Variants in GPANK1 observed in about 807,000 individuals in gnomAD.
GPANK1 encodes G patch domain and ankyrin repeat-containing protein 1.
A neutral mutation model predicts 24.0 loss-of-function variants in GPANK1; 22 were observed. That is an observed-to-expected ratio of 0.92 (90% CI 0.66 to 1.31). The LOEUF (loss-of-function observed/expected upper bound fraction) is 1.31, where lower values mean the gene tolerates loss of function less well. Ranked by LOEUF, GPANK1 falls within the 50% of genes most tolerant of loss-of-function variation. The pLI is 0.00. For synonymous variants in GPANK1, 174 were observed against 177.4 expected, an observed-to-expected ratio of 0.98 and a Z score of 0.15; for missense variants, 469 against 453.5, an observed-to-expected ratio of 1.03 and a Z score of -0.31.
rs765211928 is a variant in GPANK1 at position 31,662,592 on chromosome 6, G to A, written c.745C>T (p.Leu249Phe). 8 of 1,612,806 alleles carry A rather than the reference G, an allele frequency of 5.0e-6. No homozygotes were observed. In the African/African-American group the frequency reaches 9.3e-5, roughly 19 times the overall value. The change falls in exon 3 of 3, where the codon CTT becomes TTT. Residue 249 changes from leucine (L) to phenylalanine (F), a missense_variant. Transcript: ENST00000375896. The surrounding 1 kb of genome is among the most constrained non-coding windows in gnomAD (Gnocchi z 5.5). ...SLSQGPQPPN[L>F]PLGVPISSPG... ...CTGGAGATGGGCACCCCAAGTGGAA[G>A]GTTGGGAGGCTGAGGACCCTGCGAC...
Position 31,662,314 on chromosome 6 carries a change from G to T in GPANK1, c.1023C>A (p.Asp341Glu). Residue 341 changes from aspartate (D) to glutamate (E), a missense_variant, in exon 3 of 3, where the codon GAC (aspartate) becomes GAA (glutamate). Physicochemically the swap from Asp to Glu is conservative, Grantham distance 45. Transcript: ENST00000375896. This position sits in a 1 kb window ranked among gnomAD's most constrained non-coding sequence, Gnocchi z 5.5. ...TCCTTAGATCCCGCTCCCAAGCCCT[G>T]TCTTTCTCCTCCCTCCTTCTCTCCT... ...WREERRREEK[D>E]RAWERDLRTY... 10 of 1,589,662 alleles carry T rather than the reference G, an allele frequency of 6.3e-6. No individual in the cohort carries two copies. Among genetic ancestry groups the T allele is most frequent in the Non-Finnish European group, 8.6e-6 (10 of 1,165,870 alleles).
Position 31,662,326 on chromosome 6 carries a change from C to T in GPANK1, c.1011G>A (p.Arg337=). 1 of 1,597,250 alleles carries T rather than the reference C, an allele frequency of 6.3e-7. No individual in the cohort carries two copies. The highest frequency in any genetic ancestry group is 8.5e-7 in the Non-Finnish European group (1 of 1,170,386). ...GCTCCCAAGCCCTGTCTTTCTCCTCCCTCCTTCTCTCCTCCCTCCAGCTCA... is the reference window on the plus strand; with the variant it reads ...GCTCCCAAGCCCTGTCTTTCTCCTCTCTCCTTCTCTCCTCCCTCCAGCTCA... ...ATLSWREERR[R]EEKDRAWERD... The change falls in exon 3 of 3, where the codon AGG becomes AGA. Residue 337 remains arginine, a synonymous_variant. Coordinates refer to ENST00000375896, the MANE Select transcript of GPANK1 (RefSeq NM_033177.4). This position sits in a 1 kb window ranked among gnomAD's most constrained non-coding sequence, Gnocchi z 5.5.
chr6:31,661,863 A>C lies in GPANK1; in HGVS notation c.*403T>G. ...TAGTCAGGGAACTCCTCCTGGGGGA[A>C]GTGAGACTTGCACGAAGCTGGGCAA... is the stretch of plus-strand genomic sequence containing the variant. On this transcript the variant is annotated 3_prime_UTR_variant, in exon 3 of 3. Coordinates refer to ENST00000375896, the MANE Select transcript of GPANK1 (RefSeq NM_033177.4). 2 of 195,744 alleles carry C rather than the reference A, an allele frequency of 1.0e-5. No individual in the cohort carries two copies. Among genetic ancestry groups the C allele is most frequent in the Non-Finnish European group, 2.1e-5 (2 of 97,352 alleles). The allele number at this position is 195,744 out of a possible 1,614,324, so 12.1% of individuals were successfully genotyped here.
chr6:31,662,585 A>C lies in GPANK1; in HGVS notation c.752T>G (p.Leu251Arg). 1.2e-6 allele frequency: 2 copies of C among 1,612,962 alleles called. No homozygotes were observed. Among genetic ancestry groups the C allele is most frequent in the Non-Finnish European group, 1.7e-6 (2 of 1,179,970 alleles). The change falls in exon 3 of 3, where the codon CTT (leucine) becomes CGT (arginine). Residue 251 changes from leucine (L) to arginine (R), a missense_variant. Physicochemically the swap from Leu to Arg is moderately radical, Grantham distance 102. Transcript: ENST00000375896. The surrounding 1 kb of genome is among the most constrained non-coding windows in gnomAD (Gnocchi z 5.5). ...SQGPQPPNLPLGVPISSPGFK... is the reference protein window; with the variant it reads ...SQGPQPPNLPRGVPISSPGFK... ...GCCCGGGCTGGAGATGGGCACCCCA[A>C]GTGGAAGGTTGGGAGGCTGAGGACC...
upstream of GPANK1, chr6:31,665,527 G>GCCCAC (rs777277471): frequency 7.9e-5 from 121 of 1,537,346 alleles, 3 homozygotes; most frequent in African/African-American, 2.8e-4. Flanking sequence ...TTCTCACACC[G>GCCCAC]CCCACCCCAC....
upstream of GPANK1, chr6:31,665,534 C>T: frequency 1.9e-6 from 3 of 1,540,706 alleles, no homozygotes; most frequent in Non-Finnish European, 2.6e-6. Context: ...ACCGCCCACC[C>T]CACCCCACCC....
intron 1 of GPANK1, 68 bp from the exon 2 acceptor site, chr6:31,664,645 T>C: frequency 1.6e-6 from 1 of 608,106 alleles, no homozygotes; most frequent in Non-Finnish European, 2.9e-6. Context: ...AACTTAGGAC[T>C]CTGCAGGGCC....
rs1801422168 is a variant in GPANK1 at position 31,664,831 on chromosome 6, T to C, written c.-100+10A>G. On this transcript the variant is annotated intron_variant, in intron 1 of 2. Transcript: ENST00000375896. ...TTTCTGAAACCACTTTCCCACCCCG[T>C]AAGACATACCAGTAGGAAAAAAAAA... 3.2e-6 allele frequency: 1 copy of C among 312,406 alleles called. No individual in the cohort carries two copies. Among genetic ancestry groups the C allele is most frequent in the South Asian group, 6.4e-5 (1 of 15,522 alleles). The allele number at this position is 312,406 out of a possible 1,614,324, so 19.4% of individuals were successfully genotyped here.
rs759220840 is a variant in GPANK1, at chr6:31,662,366, G to C, written c.971C>G (p.Pro324Arg). ...CCTCCAGCTCAGTGTGGCCACCCGAGGGGGTCTCTCCCTCCCAGCCACAGC... is the reference window on the plus strand; with the variant it reads ...CCTCCAGCTCAGTGTGGCCACCCGACGGGGTCTCTCCCTCCCAGCCACAGC... ...TRAVAGRERP[P>R]RVATLSWREE... Residue 324 changes from proline (P) to arginine (R), a missense_variant, in exon 3 of 3, where the codon CCT becomes CGT. Coordinates refer to ENST00000375896, the MANE Select transcript of GPANK1 (RefSeq NM_033177.4). This position sits in a 1 kb window ranked among gnomAD's most constrained non-coding sequence, Gnocchi z 5.5. 1.2e-6 allele frequency: 2 copies of C among 1,612,210 alleles called. No individual in the cohort carries two copies. The highest frequency in any genetic ancestry group is 1.1e-5 in the South Asian group (1 of 90,950).
chr6:31,665,824 C>T (rs918187660), upstream of GPANK1: 5 of 1,217,844 alleles, frequency 4.1e-6, no homozygotes, highest in Admixed American at 6.7e-5. Flanking sequence ...GAGCACAAAA[C>T]TGTATTGCCC....
Position 31,663,891 on chromosome 6 carries a change from G to A in GPANK1, c.588C>T (p.Val196=). The stretch of plus-strand genomic sequence containing the variant: ...TCCTTGTCTCTCCATGGCTCTCCCT[G>A]ACCATGCGGGCTACCTCAGGGAAGC... ...EAGFPEVARM[V]RESHGETRSP... is the part of the protein sequence containing the mutation. The change falls in exon 2 of 3, where the codon GTC becomes GTT. Residue 196 remains valine (V), a synonymous_variant. Transcript: ENST00000375896. 6.3e-7 allele frequency: 1 copy of A among 1,598,766 alleles called. No individual in the cohort carries two copies. The highest frequency in any genetic ancestry group is 8.5e-7 in the Non-Finnish European group (1 of 1,172,176).
Position 31,661,709 on chromosome 6 carries a change from A to AG in GPANK1, c.*556_*557insC. The stretch of plus-strand genomic sequence containing the variant: ...GAGCGAAACTGCATCTCAAAAAAAA[A>AG]AGAAAAAAATTGATAACATGGCACT... On this transcript the variant is annotated 3_prime_UTR_variant, in exon 3 of 3. Transcript: ENST00000375896. The AG allele has an allele frequency of 5.9e-6, 1 of 168,094 alleles. No individual in the cohort carries two copies. Among genetic ancestry groups the AG allele is most frequent in the Non-Finnish European group, 1.3e-5 (1 of 77,764 alleles). 10.4% of individuals were successfully genotyped at this position (168,094 alleles called of 1,614,324 possible). A position where few individuals can be genotyped will look rare whatever the true frequency, so the allele number is the denominator to read the frequency against.
At chr6:31,665,274 C>A, upstream of GPANK1, 5 of 665,854 alleles carry the variant, frequency 7.5e-6, no homozygotes. Flanking sequence ...GTGGCCCCCG[C>A]TCCAAGCCCA....
At chr6:31,665,783 T>C (rs1266598981), upstream of GPANK1, 6 of 1,104,442 alleles carry the variant, frequency 5.4e-6, no homozygotes, top group Non-Finnish European at 7.3e-6. Flanking sequence ...CTCCCTCCTT[T>C]CCCCGCCCTA....
At position 31,662,947 on chromosome 6, in the gene GPANK1, CTTTT is replaced by C. The variant is rs34062373; in HGVS notation, c.627-241_627-238del. On this transcript the variant is annotated intron_variant, in intron 2 of 2. Coordinates refer to ENST00000375896, the MANE Select transcript of GPANK1 (RefSeq NM_033177.4). This position sits in a 1 kb window ranked among gnomAD's most constrained non-coding sequence, Gnocchi z 5.5. ...AGCCTGGGCAAAATGGCAACGCCTG[CTTTT>C]TTTTTTTTTTTTTTTGAGATGGAGT... Among the ~76,000 whole-genome samples the C allele has an allele frequency of 8.3e-6, 1 of 120,804 alleles. No individual in the cohort carries two copies. The highest frequency in any genetic ancestry group is 1.7e-5 in the Non-Finnish European group (1 of 59,206). The allele number at this position is 120,804 out of a possible 152,430, so 79.3% of individuals were successfully genotyped here.
intron 2 of GPANK1, 59 bp downstream of exon 2, chr6:31,663,794 T>C: frequency 6.6e-7 from 1 of 1,519,970 alleles, no homozygotes; most frequent in African/African-American, 1.4e-5. Flanking sequence ...TCTGGTGTGG[T>C]GTGGCTGGGA....
chr6:31,663,965 C>A lies in GPANK1; in HGVS notation c.514G>T (p.Val172Phe). The stretch of plus-strand genomic sequence containing the variant: ...GCATCCCTGCCACTCAGCTCACAGA[C>A]CCCCACCCAGGCAGCCCCACGGCCC... ...LLGRGAAWVG[V>F]CELSGRDAAQ... Residue 172 changes from valine (V) to phenylalanine (F), a missense_variant, in exon 2 of 3, where the codon GTC (valine) becomes TTC (phenylalanine). Coordinates refer to ENST00000375896, the MANE Select transcript of GPANK1 (RefSeq NM_033177.4). 2 of 1,614,096 alleles carry A rather than the reference C, an allele frequency of 1.2e-6. No individual in the cohort carries two copies. Among genetic ancestry groups the A allele is most frequent in the Non-Finnish European group, 1.7e-6 (2 of 1,180,024 alleles).
At chr6:31,665,792 TA>T, upstream of GPANK1, 1 of 1,146,932 alleles carries the variant, frequency 8.7e-7, no homozygotes, top group Non-Finnish European at 1.2e-6. Flanking sequence ...TTCCCCGCCC[TA>T]AGTCAGCCTC....
rs763015676 is a variant in GPANK1 at position 31,664,284 on chromosome 6, G to A, written c.195C>T (p.Ala65=). ...PDSQRSQTEP[A]RERKRKKRRI... The stretch of plus-strand genomic sequence containing the variant: ...TTCTTTTCTTTCTCTTTCTTTCTCT[G>A]GCAGGTTCAGTCTGAGATCTCTGGG... The change falls in exon 2 of 3, where the codon GCC becomes GCT. Residue 65 remains alanine (A), a synonymous_variant. Coordinates refer to ENST00000375896, the MANE Select transcript of GPANK1 (RefSeq NM_033177.4). 9.3e-6 allele frequency: 15 copies of A among 1,613,880 alleles called. No individual in the cohort carries two copies. Among genetic ancestry groups the A allele is most frequent in the Non-Finnish European group, 1.3e-5 (15 of 1,179,974 alleles).
Sources: allele counts gnomAD v4.1 joint callset (sites outside exome capture counted in the v4.1 genomes callset), GRCh38; gene constraint gnomAD v4.1.1; non-coding constraint Gnocchi (gnomAD v3.1); transcripts MANE v1.5; gene names NCBI Gene and HGNC (gene_info 2026-07-23, HGNC 2026-07-21).